Variants in SYNM observed in about 807,000 individuals in gnomAD.
SYNM encodes the protein synemin.
SYNM carries 95 observed loss-of-function variants against 104.0 expected under a neutral mutation model. That is an observed-to-expected ratio of 0.91 (90% confidence interval 0.77 to 1.08). The LOEUF (loss-of-function observed/expected upper bound fraction) is 1.08, where lower values mean the gene tolerates loss of function less well. Ranked by LOEUF, SYNM falls within the 50% of genes least tolerant of loss-of-function variation. The pLI is 0.00. For missense variants in SYNM, 2,150 were observed against 2,052.2 expected, an observed-to-expected ratio of 1.05 and a Z score of -0.92; for synonymous variants, 918 against 869.0, an observed-to-expected ratio of 1.06 and a Z score of -0.99.
At chr15:99,125,517 C>T (rs1384558820) in intron 2 of SYNM, among the ~76,000 whole-genome samples, 1 of 152,272 alleles carries the variant, frequency 6.6e-6, no homozygotes, top group Non-Finnish European at 1.5e-5. Context: ...CTGTGTGCGC[C>T]TTCGCGAGAG....
chr15:99,106,482 T>G (rs1454303850), intron 1 of SYNM, among the ~76,000 whole-genome samples: 2 of 152,190 alleles, frequency 1.3e-5, no homozygotes, highest in Non-Finnish European at 2.9e-5. Context: ...CGGTTTTTAT[T>G]TTGCCAATAT....
At position 99,105,105 on chromosome 15, in the gene SYNM, C is replaced by G; in HGVS notation, c.-95C>G. The G allele has an allele frequency of 7.1e-7, 1 of 1,398,962 alleles. No homozygotes were observed. The highest frequency in any genetic ancestry group is 9.6e-7 in the Non-Finnish European group (1 of 1,045,644). The allele number at this position is 1,398,962 out of a possible 1,614,324, so 86.7% of individuals were successfully genotyped here. On this transcript the variant is annotated 5_prime_UTR_variant, in exon 1 of 4. Coordinates refer to ENST00000336292, the MANE Select transcript of SYNM (RefSeq NM_145728.3). ...AGTCTGCGGGCCTCCGGGGCAGCGG[C>G]GAGGCCGGAGCGTCGCGGCGGAGAG...
Position 99,113,632 on chromosome 15 carries a change from C to T in SYNM, c.852C>T (p.Thr284=). 6.2e-7 allele frequency: 1 copy of T among 1,613,612 alleles called. No homozygotes were observed. Among genetic ancestry groups the T allele is most frequent in the South Asian group, 1.1e-5 (1 of 90,970 alleles). The change falls in exon 2 of 4, where the codon ACC becomes ACT. Residue 284 remains threonine (T), a synonymous_variant. Transcript: ENST00000336292. ...DCLEDEKATL[T]LAMADWLRDY... is the part of the protein sequence containing the mutation. ...TGGAGGATGAGAAGGCAACCCTCAC[C>T]TTGGCCATGGCTGACTGGCTGCGGG...
At chr15:99,139,011 A>T, downstream of SYNM, 1 of 433,158 alleles carries the variant, frequency 2.3e-6, no homozygotes, top group Non-Finnish European at 4.3e-6. Flanking sequence ...GCAGGGCTGC[A>T]GGAGGCCACA....
chr15:99,105,808 G>C lies in SYNM; in HGVS notation c.609G>C (p.Glu203Asp), dbSNP rs371419668. ...GGCGGGAGACGGTGCAGCTGTACGAGGACGAGGTGCGCGAGCTGGAGGAGG... is the reference window on the plus strand; with the variant it reads ...GGCGGGAGACGGTGCAGCTGTACGACGACGAGGTGCGCGAGCTGGAGGAGG... ...ESWRETVQLY[E>D]DEVRELEEAL... Residue 203 changes from glutamate to aspartate, a missense_variant, in exon 1 of 4, where the codon GAG becomes GAC. Glu to Asp is a conservative substitution (Grantham distance 45). Coordinates refer to ENST00000336292, the MANE Select transcript of SYNM (RefSeq NM_145728.3). 1,188 of 1,542,424 alleles carry C rather than the reference G, an allele frequency of 7.7e-4. 13 individuals are homozygous for C. The African/African-American group carries it at 0.015, about 19-fold the overall frequency.
At chr15:99,127,853 TAG>T (rs1384562668) in intron 3 of SYNM, among the ~76,000 whole-genome samples, 2 of 152,062 alleles carry the variant, frequency 1.3e-5, no homozygotes, top group Non-Finnish European at 2.9e-5. Context: ...TCATGTAACC[TAG>T]AGAGAGGGGA....
chr15:99,106,144 G>T (rs2067240798), intron 1 of SYNM, 135 bp downstream of exon 1: 2 of 975,008 alleles, frequency 2.1e-6, no homozygotes, highest in Non-Finnish European at 1.4e-6. Context: ...CCCAGAGGGT[G>T]CCCGAATGGC....
rs782603471 is a variant in SYNM at position 99,105,289 on chromosome 15, G to A, written c.90G>A (p.Arg30=). 15 of 1,552,668 alleles carry A rather than the reference G, an allele frequency of 9.7e-6. No homozygotes were observed. In the African/African-American group the frequency reaches 1.5e-4, roughly 16 times the overall value. Residue 30 remains arginine (R), a synonymous_variant, in exon 1 of 4, where the codon CGG becomes CGA. Transcript: ENST00000336292. ...TCTATGACTACGTGTGTCGGGTGCGGGAGCTGGAGCGCGAAAACCTACTCC... is the reference window on the plus strand; with the variant it reads ...TCTATGACTACGTGTGTCGGGTGCGAGAGCTGGAGCGCGAAAACCTACTCC... ...ARLYDYVCRV[R]ELERENLLLE...
chr15:99,137,976 C>T, downstream of SYNM: 1 of 1,613,590 alleles, frequency 6.2e-7, no homozygotes, highest in Non-Finnish European at 8.5e-7. Context: ...TGACAGTGCC[C>T]AGGAATGTCC....
intron 2 of SYNM, among the ~76,000 whole-genome samples, chr15:99,122,608 G>A (rs2067411350): frequency 6.6e-6 from 1 of 152,240 alleles, no homozygotes. Flanking sequence ...GGCTGAGGCA[G>A]GTGGATCGTT....
downstream of SYNM, chr15:99,139,441 C>A (rs371971238): frequency 4.9e-5 from 79 of 1,613,068 alleles, no homozygotes; most frequent in Non-Finnish European, 6.5e-5. Flanking sequence ...ATGGAAGTGT[C>A]GCTGAGAGCA....
At chr15:99,121,609 C>T (rs1006480739) in intron 2 of SYNM, among the ~76,000 whole-genome samples, 5 of 152,218 alleles carry the variant, frequency 3.3e-5, no homozygotes, top group Admixed American at 3.3e-4. Flanking sequence ...GCCCCAAACC[C>T]TCTCACTGCC....
At chr15:99,137,863 G>T, downstream of SYNM, 1 of 1,307,284 alleles carries the variant, frequency 7.6e-7, no homozygotes, top group Non-Finnish European at 1.0e-6. Flanking sequence ...GAGGCTTATG[G>T]TCTCACTGTT....
Position 99,131,356 on chromosome 15 carries a change from T to C in SYNM, c.2996T>C (p.Leu999Pro), listed in dbSNP as rs1323437721. Residue 999 changes from leucine (L) to proline (P), a missense_variant, in exon 4 of 4, where the codon CTG becomes CCG. Leu to Pro is a moderately conservative substitution (Grantham distance 98, BLOSUM62 -3). Coordinates refer to ENST00000336292, the MANE Select transcript of SYNM (RefSeq NM_145728.3). This position sits in a 1 kb window ranked among gnomAD's most constrained non-coding sequence, Gnocchi z 4.3. ...VQGAGGSSVT[L>P]VAEVNVSQTV... ...GGTGCTGGTGGCAGTTCCGTGACCC[T>C]GGTTGCTGAAGTCAACGTCTCACAA... 5 of 1,613,252 alleles carry C rather than the reference T, an allele frequency of 3.1e-6. No homozygotes were observed. The highest frequency in any genetic ancestry group is 2.2e-5 in the East Asian group (1 of 44,880).
Position 99,124,235 on chromosome 15 carries a change from A to G in SYNM, c.936-2487A>G, listed in dbSNP as rs573617191. Among the ~76,000 whole-genome samples the G allele has an allele frequency of 1.1e-4, 16 of 152,368 alleles. No homozygotes were observed. The South Asian group carries it at 3.1e-3, about 30-fold the overall frequency. On this transcript the variant is annotated intron_variant, in intron 2 of 3. Coordinates refer to ENST00000336292, the MANE Select transcript of SYNM (RefSeq NM_145728.3). The stretch of plus-strand genomic sequence containing the variant: ...CCATTTCTTAAAGTGGTACGAACCT[A>G]TTCCTTAAAAATGTCCCTTGCAGAG...
At chr15:99,116,410 G>A (rs531472268) in intron 2 of SYNM, among the ~76,000 whole-genome samples, 5 of 104,306 alleles carry the variant, frequency 4.8e-5, no homozygotes, top group African/African-American at 1.5e-4. Context: ...CCCCAAGTCA[G>A]AAAAAGAATT....
Position 99,130,210 on chromosome 15 carries a change from G to A in SYNM, c.1850G>A (p.Arg617Gln), listed in dbSNP as rs187133914. 7.3e-5 allele frequency: 118 copies of A among 1,613,942 alleles called. No homozygotes were observed. The African/African-American group carries it at 1.2e-3, about 16-fold the overall frequency. The change falls in exon 4 of 4, where the codon CGG (arginine) becomes CAG (glutamine). Residue 617 changes from arginine to glutamine, a missense_variant. By Grantham distance (43) the Arg-to-Gln change is conservative. Coordinates refer to ENST00000336292, the MANE Select transcript of SYNM (RefSeq NM_145728.3). ...AGAGAGGCAGAAGCAAGAGAGCTAC[G>A]GTTCAGGTTGGGCACCAGTGATGCC... is the stretch of plus-strand genomic sequence containing the variant. ...TGREAEAREL[R>Q]FRLGTSDATG...
At chr15:99,116,454 C>G (rs1324060394) in intron 2 of SYNM, among the ~76,000 whole-genome samples, 1 of 104,664 alleles carries the variant, frequency 9.6e-6, no homozygotes, top group Non-Finnish European at 2.2e-5. Flanking sequence ...TTGTGCTGGT[C>G]TACTCTGTGT....
At position 99,131,851 on chromosome 15, in the gene SYNM, C is replaced by T. The variant is rs781822239; in HGVS notation, c.3491C>T (p.Pro1164Leu). The T allele has an allele frequency of 3.0e-5, 48 of 1,613,814 alleles. 2 individuals carry two copies. The highest frequency in any genetic ancestry group is 3.5e-5 in the Non-Finnish European group (41 of 1,179,894). The change falls in exon 4 of 4, where the codon CCG becomes CTG. Residue 1164 changes from proline (P) to leucine (L), a missense_variant. By Grantham distance (98) the Pro-to-Leu change is moderately conservative. Transcript: ENST00000336292. This position sits in a 1 kb window ranked among gnomAD's most constrained non-coding sequence, Gnocchi z 4.3. ...GGTGACCTAAGTCAGGCAGCGAGCC[C>T]GACCGGAGCCAGCCGGTCTGTGAGG... Reference protein sequence around the residue: ...AGGDLSQAASPTGASRSVRHV... With the variant: ...AGGDLSQAASLTGASRSVRHV...
Sources: allele counts gnomAD v4.1 joint callset (sites outside exome capture counted in the v4.1 genomes callset), GRCh38; gene constraint gnomAD v4.1.1; non-coding constraint Gnocchi (gnomAD v3.1); transcripts MANE v1.5; gene names NCBI Gene and HGNC (gene_info 2026-07-23, HGNC 2026-07-21).